The following BRD4 variants were observed in gnomAD, a reference collection of about 807,000 sequenced individuals.
BRD4 encodes the protein bromodomain containing 4, also known as bromodomain-containing protein 4.
BRD4 carries 16 observed loss-of-function variants against 142.1 expected under a neutral mutation model. The ratio of observed to expected loss-of-function variants is 0.11; its 90% CI spans 0.08 to 0.17. The LOEUF is 0.17. BRD4 is among the 10% of genes least tolerant of loss of function. The probability of loss-of-function intolerance (pLI) is 1.00; values close to 1 mark genes in which losing one functional copy is unlikely to be tolerated. For synonymous variants in BRD4, 833 were observed against 707.5 expected (o/e 1.18, Z -2.82); for missense variants, 1,424 against 1,810.9 (o/e 0.79, Z 3.88).
rs527735632 is a variant in BRD4 at position 15,238,126 on chromosome 19, G to C, written c.*251C>G. The stretch of plus-strand genomic sequence containing the variant: ...GCTTGGGTCCAGCCGGCACTTGCTC[G>C]TAACAAGGCGTGTGCTGAGCGGACG... On this transcript the variant is annotated 3_prime_UTR_variant, in exon 20 of 20. Transcript: ENST00000679869. The surrounding 1 kb of genome is among the most constrained non-coding windows in gnomAD (Gnocchi z 7.2). The C allele has an allele frequency of 9.4e-6, 5 of 533,484 alleles. No individual in the cohort carries two copies. The highest frequency in any genetic ancestry group is 1.7e-5 in the Non-Finnish European group (5 of 302,952). 33.0% of individuals were successfully genotyped at this position (533,484 alleles called of 1,614,324 possible). A position where few individuals can be genotyped will look rare whatever the true frequency, so the allele number is the denominator to read the frequency against.
In BRD4 at chr19:15,260,176, T is replaced by C. The variant is rs559941747; in HGVS notation, c.1342-3003A>G. On this transcript the variant is annotated intron_variant, in intron 7 of 19. Coordinates refer to ENST00000679869, the MANE Select transcript of BRD4 (RefSeq NM_001379291.1). ...ACTGGTTTCAGACAAGTATCTCAGC[T>C]GTCAGGCTGTGGAACACAGGTTTTC... Among the ~76,000 whole-genome samples the C allele has an allele frequency of 1.5e-4, 23 of 152,374 alleles. 1 individual carries two copies. In the South Asian group the frequency reaches 4.8e-3, roughly 32 times the overall value.
At chr19:15,242,327 T>G (rs1216262089) in intron 14 of BRD4, among the ~76,000 whole-genome samples, 1 of 152,140 alleles carries the variant, frequency 6.6e-6, no homozygotes, top group Non-Finnish European at 1.5e-5. Flanking sequence ...TACTGACACT[T>G]AAGCGCCCAG....
intron 1 of BRD4, among the ~76,000 whole-genome samples, chr19:15,305,645 C>G (rs758745807): frequency 1.2e-4 from 19 of 152,204 alleles, no homozygotes; most frequent in Non-Finnish European, 1.8e-4. Flanking sequence ...TTTAGATTTA[C>G]CATAATTCTT....
At position 15,239,208 on chromosome 19, in the gene BRD4, G is replaced by A. The variant is rs1484286708; in HGVS notation, c.3633C>T (p.Thr1211=). 2 of 1,612,966 alleles carry A rather than the reference G, an allele frequency of 1.2e-6. No individual in the cohort carries two copies. The highest frequency in any genetic ancestry group is 1.7e-6 in the Non-Finnish European group (2 of 1,180,018). The change falls in exon 18 of 20, where the codon ACC becomes ACT. Residue 1211 remains threonine, a synonymous_variant. Coordinates refer to ENST00000679869, the MANE Select transcript of BRD4 (RefSeq NM_001379291.1). The surrounding 1 kb of genome is among the most constrained non-coding windows in gnomAD (Gnocchi z 7.4). ...ATGACTTGGCTGTGGAGGAGGGGGT[G>A]GTCGGATGCTTCTGCACTAGGCTGG... ...SWASLVQKHP[T]TPSSTAKSSS...
intron 1 of BRD4, among the ~76,000 whole-genome samples, chr19:15,274,907 G>A (rs2047629632): frequency 1.3e-5 from 2 of 151,870 alleles, no homozygotes; most frequent in Admixed American, 6.5e-5. Flanking sequence ...TGTCGCCCAG[G>A]CAGTGCAGTG....
chr19:15,294,230 G>A (rs2047805960), intron 1 of BRD4, among the ~76,000 whole-genome samples: 1 of 152,268 alleles, frequency 6.6e-6, no homozygotes, highest in African/African-American at 2.4e-5. Flanking sequence ...AAGGCGAAAT[G>A]TTCTTGTTCC....
intron 1 of BRD4, among the ~76,000 whole-genome samples, chr19:15,309,635 T>G (rs1357461571): frequency 6.6e-6 from 1 of 152,176 alleles, no homozygotes; most frequent in Non-Finnish European, 1.5e-5. Flanking sequence ...GTATTATTCA[T>G]AAGAGCCAAA....
At chr19:15,314,115 T>C (rs1599520761) in intron 1 of BRD4, among the ~76,000 whole-genome samples, 1 of 152,180 alleles carries the variant, frequency 6.6e-6, no homozygotes, top group East Asian at 1.9e-4. Flanking sequence ...CAGCTCAGCC[T>C]TGAGTATGTG....
At chr19:15,273,961 T>A (rs916960394) in intron 1 of BRD4, among the ~76,000 whole-genome samples, 6 of 152,192 alleles carry the variant, frequency 3.9e-5, no homozygotes, top group Non-Finnish European at 4.4e-5. Flanking sequence ...TTACTTTGTG[T>A]AATTTATTTA....
intron 1 of BRD4, among the ~76,000 whole-genome samples, chr19:15,305,761 T>C (rs2047908771): frequency 6.6e-6 from 1 of 152,256 alleles, no homozygotes; most frequent in South Asian, 2.1e-4. Flanking sequence ...AAGCCAAGTA[T>C]TGATTTTTCT....
chr19:15,277,398 A>G (rs1028609131), intron 1 of BRD4, among the ~76,000 whole-genome samples: 4 of 152,222 alleles, frequency 2.6e-5, no homozygotes, highest in African/African-American at 9.7e-5. Context: ...AGGAACTATC[A>G]GCACAAGGCA....
At chr19:15,244,195 G>T in intron 13 of BRD4, 36 bp downstream of exon 13, 1 of 1,539,326 alleles carries the variant, frequency 6.5e-7, no homozygotes, top group South Asian at 1.2e-5. Flanking sequence ...AGGCAGGAAG[G>T]GGTCTCAACC....
chr19:15,327,933 G>GAAATGTCC (rs1366272969), intron 1 of BRD4, among the ~76,000 whole-genome samples: 4 of 130,810 alleles, frequency 3.1e-5, no homozygotes, highest in Non-Finnish European at 3.3e-5. Context: ...GGGGGGGGTG[G>GAAATGTCC]AAATGTCCTA....
intron 1 of BRD4, among the ~76,000 whole-genome samples, chr19:15,323,048 TCAAA>T (rs201752233): frequency 4.0e-4 from 61 of 150,770 alleles, no homozygotes; most frequent in East Asian, 2.7e-3. Flanking sequence ...AGACTCTGCC[TCAAA>T]CAAACAAACA....
rs775936512 is a variant in BRD4, at chr19:15,265,614, G to A, written c.589C>T (p.Pro197Ser). 6.2e-7 allele frequency: 1 copy of A among 1,614,118 alleles called. No homozygotes were observed. Among genetic ancestry groups the A allele is most frequent in the Admixed American group, 1.7e-5 (1 of 60,022 alleles). Residue 197 changes from proline (P) to serine (S), a missense_variant, in exon 5 of 20, where the codon CCA becomes TCA. Pro to Ser is a moderately conservative substitution (Grantham distance 74). Coordinates refer to ENST00000679869, the MANE Select transcript of BRD4 (RefSeq NM_001379291.1). ...GGAGTCGATGCTTGAGTTGTGTTTG[G>A]TACCGTGGAAACGCCAGGTTTTGCT... ...GTAKPGVSTV[P>S]NTTQASTPPQ...
chr19:15,331,255 C>T (rs960649262), intron 1 of BRD4, among the ~76,000 whole-genome samples: 2 of 152,188 alleles, frequency 1.3e-5, no homozygotes, highest in African/African-American at 4.8e-5. Context: ...GTATTTACAC[C>T]GTCCACTACA....
At chr19:15,267,800 A>G (rs1437199911) in intron 3 of BRD4, among the ~76,000 whole-genome samples, 1 of 152,196 alleles carries the variant, frequency 6.6e-6, no homozygotes, top group Non-Finnish European at 1.5e-5. Context: ...GCTCTGGCCT[A>G]TCTGAGAAGC....
intron 1 of BRD4, among the ~76,000 whole-genome samples, chr19:15,329,425 G>A (rs1160534772): frequency 6.6e-6 from 1 of 152,146 alleles, no homozygotes; most frequent in Non-Finnish European, 1.5e-5. Context: ...AATCACTGAG[G>A]TGCCAAATGG....
intron 3 of BRD4, 79 bp from the exon 4 acceptor site, chr19:15,267,630 AC>A: frequency 1.1e-5 from 13 of 1,206,828 alleles, no homozygotes; most frequent in Non-Finnish European, 1.4e-5. Context: ...CATGCCACCC[AC>A]CCCCTGCCCC....
Sources: allele counts gnomAD v4.1 joint callset (sites outside exome capture counted in the v4.1 genomes callset), GRCh38; gene constraint gnomAD v4.1.1; non-coding constraint Gnocchi (gnomAD v3.1); transcripts MANE v1.5; gene names NCBI Gene and HGNC (gene_info 2026-07-23, HGNC 2026-07-21).